Variants in PTPN3 observed in about 807,000 individuals in gnomAD.
PTPN3 encodes the protein tyrosine-protein phosphatase non-receptor type 3.
Under a neutral mutation model 132.7 loss-of-function variants are expected in PTPN3, and 96 were observed. The ratio of observed to expected loss-of-function variants is 0.72; its 90% confidence interval spans 0.61 to 0.86. The LOEUF is 0.86. PTPN3 is among the 40% of genes least tolerant of loss of function. The pLI, the probability that PTPN3 is intolerant of heterozygous loss-of-function variation, is 0.00. For synonymous variants in PTPN3, 398 were observed against 429.0 expected, an observed-to-expected ratio of 0.93 and a Z score of 0.89; for missense variants, 1,125 against 1,159.6, an observed-to-expected ratio of 0.97 and a Z score of 0.43.
chr9:109,499,900 G>A (rs1847836358), upstream of PTPN3, among the ~76,000 whole-genome samples: 1 of 152,166 alleles, frequency 6.6e-6, no homozygotes, highest in Non-Finnish European at 1.5e-5. Flanking sequence ...TGGAGCCGCG[G>A]CGCCCGCTCA....
At chr9:109,380,214 A>AATCTATCTATCTATCTATCT (rs55963327) in intron 25 of PTPN3, among the ~76,000 whole-genome samples, 71 of 145,902 alleles carry the variant, frequency 4.9e-4, no homozygotes, top group East Asian at 1.4e-3. Flanking sequence ...CAGCTAGGAA[A>AATCTATCTATCTATCTATCT]ATCTATCTAT....
chr9:109,499,783 C>G (rs1301807425), upstream of PTPN3, among the ~76,000 whole-genome samples: 1 of 152,198 alleles, frequency 6.6e-6, no homozygotes, highest in Non-Finnish European at 1.5e-5. Context: ...GCAGCGGGTG[C>G]CGCCCGTGCA....
chr9:109,430,127 T>C (rs1041621314), intron 10 of PTPN3, among the ~76,000 whole-genome samples: 1 of 152,140 alleles, frequency 6.6e-6, no homozygotes, highest in Non-Finnish European at 1.5e-5. Flanking sequence ...TCACCCCTTC[T>C]GGAGATACTC....
intron 21 of PTPN3, among the ~76,000 whole-genome samples, chr9:109,389,699 C>T (rs1008528434): frequency 3.9e-5 from 6 of 152,196 alleles, no homozygotes; most frequent in African/African-American, 1.4e-4. Flanking sequence ...TGGCTATCTG[C>T]ATTTTCAGCC....
At chr9:109,422,435 T>C (rs1295010826) in intron 13 of PTPN3, among the ~76,000 whole-genome samples, 1 of 152,216 alleles carries the variant, frequency 6.6e-6, no homozygotes, top group Non-Finnish European at 1.5e-5. Context: ...TTTAATATGC[T>C]AATGTGTGCT....
chr9:109,419,839 T>C (rs1415802172), intron 14 of PTPN3, among the ~76,000 whole-genome samples: 1 of 152,268 alleles, frequency 6.6e-6, no homozygotes, highest in East Asian at 1.9e-4. Context: ...CCTTGAGCTA[T>C]GAGGGAACTC....
intron 5 of PTPN3, among the ~76,000 whole-genome samples, chr9:109,453,845 TAAAAA>T (rs11353536): frequency 2.9e-5 from 4 of 135,688 alleles, no homozygotes; most frequent in African/African-American, 2.8e-5. Flanking sequence ...CCATCTCCGT[TAAAAA>T]AAAAAAAAAA....
chr9:109,428,346 A>C (rs1377217763), intron 11 of PTPN3, among the ~76,000 whole-genome samples: 2 of 152,190 alleles, frequency 1.3e-5, no homozygotes, highest in African/African-American at 4.8e-5. Context: ...ACAGACAATC[A>C]CTGGATCCTC....
chr9:109,425,601 C>T (rs541187549), intron 12 of PTPN3, among the ~76,000 whole-genome samples: 1 of 152,102 alleles, frequency 6.6e-6, no homozygotes, highest in African/African-American at 2.4e-5. Flanking sequence ...ATCCCAGCTA[C>T]TTGGGAGGCT....
chr9:109,432,741 T>C (rs1051948817), intron 10 of PTPN3, among the ~76,000 whole-genome samples: 1 of 152,208 alleles, frequency 6.6e-6, no homozygotes, highest in African/African-American at 2.4e-5. Flanking sequence ...CGATGGTTCC[T>C]GCCCAGAGAA....
chr9:109,474,962 G>C (rs1202380055), intron 1 of PTPN3, among the ~76,000 whole-genome samples: 1 of 152,156 alleles, frequency 6.6e-6, no homozygotes, highest in Non-Finnish European at 1.5e-5. Flanking sequence ...TAATGTGTAT[G>C]CAAATTAACT....
intron 1 of PTPN3, among the ~76,000 whole-genome samples, chr9:109,487,430 G>C (rs1246213219): frequency 6.6e-6 from 1 of 152,220 alleles, no homozygotes; most frequent in Non-Finnish European, 1.5e-5. Context: ...CCTGGCGTCC[G>C]AATGAGTGGC....
At chr9:109,458,016 T>C (rs1845652831) in intron 2 of PTPN3, among the ~76,000 whole-genome samples, 1 of 152,164 alleles carries the variant, frequency 6.6e-6, no homozygotes, top group African/African-American at 2.4e-5. Flanking sequence ...CCTCTTCAGA[T>C]CAGGACTCCA....
the PTPN3 span, chr9:109,533,484 G>T: frequency 6.3e-7 from 1 of 1,589,428 alleles, no homozygotes; most frequent in African/African-American, 1.3e-5. Flanking sequence ...GGTAAGTTGC[G>T]GCGGTACCGA....
the PTPN3 span, among the ~76,000 whole-genome samples, chr9:109,518,296 A>G: frequency 6.6e-6 from 1 of 152,180 alleles, no homozygotes; most frequent in Non-Finnish European, 1.5e-5. Context: ...CCAGGAGCTG[A>G]GGTTACAGAA....
At chr9:109,487,430 G>A (rs1246213219) in intron 1 of PTPN3, among the ~76,000 whole-genome samples, 3 of 152,338 alleles carry the variant, frequency 2.0e-5, no homozygotes, top group East Asian at 1.9e-4. Context: ...CCTGGCGTCC[G>A]AATGAGTGGC....
the PTPN3 span, among the ~76,000 whole-genome samples, chr9:109,531,732 C>T: frequency 6.6e-6 from 1 of 152,270 alleles, no homozygotes; most frequent in South Asian, 2.1e-4. Context: ...TGCTTGGCCT[C>T]TAGCCTGTGA....
In PTPN3 at chr9:109,457,393, C is replaced by A; in HGVS notation, c.145G>T (p.Asp49Tyr). Reference protein sequence around the residue: ...VVQTFKVTKQDTGQVLLDMVH... With the variant: ...VVQTFKVTKQYTGQVLLDMVH... The stretch of plus-strand genomic sequence containing the variant: ...ATATCCAGAAGAACCTGGCCAGTGT[C>A]TTGTTTCTAGAACAAAGGAAATTAT... Residue 49 changes from aspartate to tyrosine, a missense_variant, in exon 3 of 26, where the codon GAC becomes TAC. Transcript: ENST00000374541. The A allele has an allele frequency of 6.2e-7, 1 of 1,610,912 alleles. No individual in the cohort carries two copies. Among genetic ancestry groups the A allele is most frequent in the African/African-American group, 1.3e-5 (1 of 74,828 alleles).
At chr9:109,525,005 C>A in the PTPN3 span, among the ~76,000 whole-genome samples, 1 of 152,168 alleles carries the variant, frequency 6.6e-6, no homozygotes, top group Non-Finnish European at 1.5e-5. Context: ...CTTGGCCTCC[C>A]AAAGTGCTGG....
Sources: gnomAD v4.1 joint callset for allele counts (sites outside exome capture counted in the v4.1 genomes callset) on GRCh38, gnomAD v4.1.1 for gene constraint, MANE v1.5 for transcripts, NCBI Gene and HGNC (gene_info 2026-07-23, HGNC 2026-07-21) for gene names.